The following DCAF8L2 variants were observed in gnomAD, a reference collection of about 807,000 sequenced individuals.
DCAF8L2 encodes the protein DDB1 and CUL4 associated factor 8 like 2.
For synonymous variants in DCAF8L2, 200 were observed against 190.9 expected (o/e 1.05, Z -0.39); for missense variants, 430 against 490.7 (o/e 0.88, Z 1.17).
the DCAF8L2 span, among the ~76,000 whole-genome samples, chrX:27,495,989 TTTG>T: frequency 9.0e-6 from 1 of 111,720 alleles, no homozygotes; most frequent in Non-Finnish European, 1.9e-5. Flanking sequence ...TGACCTTGAA[TTTG>T]TACATCTAGT....
chrX:27,479,876 C>T, the DCAF8L2 span, among the ~76,000 whole-genome samples: 1 of 112,212 alleles, frequency 8.9e-6, no homozygotes, highest in Non-Finnish European at 1.9e-5. Context: ...CAATTCCACA[C>T]CCACCTAGAG....
chrX:27,700,401 C>T (rs2147266839), intron 3 of DCAF8L2, among the ~76,000 whole-genome samples: 1 of 110,696 alleles, frequency 9.0e-6, no homozygotes, highest in East Asian at 2.8e-4. Context: ...AATCCATCCT[C>T]ATAGGAGGGG....
rs769721751 is a variant in DCAF8L2 at position 27,629,408 on chromosome X, TTC to T, written c.-341-2461_-341-2460del. Among the ~76,000 whole-genome samples, 745 of 111,200 alleles carry T rather than the reference TTC, an allele frequency of 6.7e-3. 6 individuals carry two copies. Among genetic ancestry groups the T allele is most frequent in the African/African-American group, 0.023 (700 of 30,633 alleles). ...GGTTTAAAGTAGAGGTTAAATTTCT[TTC>T]TCTCTCTCTTTTTCTTTCTCTCTCT... On this transcript the variant is annotated intron_variant, in intron 1 of 4. Transcript: ENST00000451261.
At chrX:27,729,479 A>G (rs1921062399) in intron 4 of DCAF8L2, among the ~76,000 whole-genome samples, 1 of 111,603 alleles carries the variant, frequency 9.0e-6, no homozygotes, top group Non-Finnish European at 1.9e-5. Flanking sequence ...TTGCCATCCC[A>G]TCTTAGTCCA....
At chrX:27,621,376 A>G (rs112263893) in intron 1 of DCAF8L2, among the ~76,000 whole-genome samples, 8,857 of 111,354 alleles carry the variant, frequency 0.08, 697 homozygotes, top group African/African-American at 0.24. Flanking sequence ...TGTTAAGATA[A>G]CAAATTTTAT....
chrX:27,595,899 G>A (rs1926333657), intron 1 of DCAF8L2, among the ~76,000 whole-genome samples: 1 of 111,013 alleles, frequency 9.0e-6, no homozygotes, highest in Non-Finnish European at 1.9e-5. Flanking sequence ...GCATGGTGGT[G>A]CGTGCCTGTA....
chrX:27,670,769 A>G (rs1016672248), intron 2 of DCAF8L2, among the ~76,000 whole-genome samples: 3 of 110,145 alleles, frequency 2.7e-5, no homozygotes, highest in African/African-American at 9.9e-5. Context: ...TTCTCACTCA[A>G]TTCCCACAGG....
At chrX:27,671,478 T>C (rs1287860063) in intron 2 of DCAF8L2, among the ~76,000 whole-genome samples, 1 of 112,169 alleles carries the variant, frequency 8.9e-6, no homozygotes, top group Non-Finnish European at 1.9e-5. Flanking sequence ...TTCTCTGCCA[T>C]ATTCCAAATT....
intron 4 of DCAF8L2, among the ~76,000 whole-genome samples, chrX:27,735,189 A>G (rs753043559): frequency 2.7e-5 from 3 of 112,033 alleles, no homozygotes; most frequent in Non-Finnish European, 5.6e-5. Context: ...CTAACTTTAA[A>G]ATGATTCACA....
At chrX:27,492,670 G>A in the DCAF8L2 span, among the ~76,000 whole-genome samples, 3 of 110,492 alleles carry the variant, frequency 2.7e-5, no homozygotes, top group Non-Finnish European at 5.7e-5. Context: ...TAGTAGAGAC[G>A]GGGTTTCTCC....
intron 2 of DCAF8L2, chrX:27,676,884 C>T (rs962257326): frequency 4.5e-5 from 5 of 111,442 alleles, no homozygotes; most frequent in African/African-American, 1.6e-4. Flanking sequence ...CCAGCTCTCT[C>T]CAGACTTTTC....
the DCAF8L2 span, among the ~76,000 whole-genome samples, chrX:27,502,119 G>A: frequency 1.9e-5 from 2 of 104,414 alleles, no homozygotes; most frequent in East Asian, 6.2e-4. Context: ...TCAGGAGTTC[G>A]AGACCAGCCT....
At chrX:27,696,790 T>C (rs1194435313) in intron 3 of DCAF8L2, among the ~76,000 whole-genome samples, 2 of 110,964 alleles carry the variant, frequency 1.8e-5, no homozygotes, top group African/African-American at 6.8e-5. Context: ...GGTTTGATTC[T>C]TGAATCTCTC....
the DCAF8L2 span, among the ~76,000 whole-genome samples, chrX:27,498,402 G>A: frequency 8.9e-6 from 1 of 112,272 alleles, no homozygotes. Context: ...ATATCTCATT[G>A]TGCTTTTTTC....
rs189662371 is a variant in DCAF8L2 at position 27,619,432 on chromosome X, A to G, written c.-341-12447A>G. On this transcript the variant is annotated intron_variant, in intron 1 of 4. Coordinates refer to ENST00000451261, the MANE Select transcript of DCAF8L2 (RefSeq NM_001353450.2). The stretch of plus-strand genomic sequence containing the variant: ...GAGAGAGAGAGACAGACAGACAGAG[A>G]CAGAGAGATTTGTTACAGGGATCTG... Among the ~76,000 whole-genome samples the G allele has an allele frequency of 8.1e-5, 9 of 111,339 alleles. No individual in the cohort carries two copies. In the Admixed American group the frequency reaches 8.7e-4, roughly 11 times the overall value.
At chrX:27,704,226 G>C (rs1931254973) in intron 3 of DCAF8L2, among the ~76,000 whole-genome samples, 1 of 88,831 alleles carries the variant, frequency 1.1e-5, no homozygotes, top group Non-Finnish European at 2.0e-5. Context: ...GCGCACATGT[G>C]CGTGTACACA....
chrX:27,580,898 G>C, the DCAF8L2 span, among the ~76,000 whole-genome samples: 1 of 110,937 alleles, frequency 9.0e-6, no homozygotes, highest in African/African-American at 3.3e-5. Context: ...GTGAACCACG[G>C]AAATAGTTTT....
chrX:27,510,157 A>C, the DCAF8L2 span, among the ~76,000 whole-genome samples: 1 of 111,122 alleles, frequency 9.0e-6, no homozygotes, highest in Non-Finnish European at 1.9e-5. Flanking sequence ...TGTTTGTTCC[A>C]AGATGCTCTG....
At chrX:27,549,754 G>C in the DCAF8L2 span, among the ~76,000 whole-genome samples, 3 of 111,190 alleles carry the variant, frequency 2.7e-5, no homozygotes, top group African/African-American at 9.8e-5. Context: ...GTCATAAACC[G>C]CTCAAATTCT....
Sources: allele counts gnomAD v4.1 joint callset (sites outside exome capture counted in the v4.1 genomes callset), GRCh38; gene constraint gnomAD v4.1.1; transcripts MANE v1.5; gene names NCBI Gene and HGNC (gene_info 2026-07-23, HGNC 2026-07-21).